The following ABCA10 variants were observed in gnomAD, a reference collection of about 807,000 sequenced individuals.
The protein encoded by ABCA10 is ATP-binding cassette sub-family A member 10.
Under a neutral mutation model 187.5 loss-of-function variants are expected in ABCA10, and 169 were observed. That is an observed-to-expected ratio of 0.90 (90% CI 0.80 to 1.02). The LOEUF is 1.02. ABCA10 is among the 50% of genes least tolerant of loss of function. ABCA10 has a pLI of 0.00. For synonymous variants in ABCA10, 574 were observed against 601.8 expected, an observed-to-expected ratio of 0.95 and a Z score of 0.68; for missense variants, 1,727 against 1,812.4, an observed-to-expected ratio of 0.95 and a Z score of 0.86.
At chr17:69,206,132 T>C (rs1173522060) in intron 9 of ABCA10, among the ~76,000 whole-genome samples, 1 of 150,784 alleles carries the variant, frequency 6.6e-6, no homozygotes, top group Non-Finnish European at 1.5e-5. Context: ...TATTAAAGCT[T>C]AAAAACCCAT....
rs368606702 is a variant in ABCA10 at position 69,155,793 on chromosome 17, C to G, written c.3576+12G>C. 1 of 1,612,782 alleles carries G rather than the reference C, an allele frequency of 6.2e-7. No individual in the cohort carries two copies. Among genetic ancestry groups the G allele is most frequent in the South Asian group, 1.1e-5 (1 of 90,854 alleles). ...TGAGCATTTTATTAAGGGTCTAATC[C>G]CTGCTGTTCACCTCCTCCAAGTTTG... On this transcript the variant is annotated intron_variant, in intron 29 of 38. Transcript: ENST00000690296.
intron 22 of ABCA10, among the ~76,000 whole-genome samples, chr17:69,177,488 G>A (rs1011703278): frequency 2.6e-5 from 4 of 152,122 alleles, no homozygotes; most frequent in African/African-American, 9.7e-5. Flanking sequence ...GCTAACCAGT[G>A]AAAGTCATTA....
intron 10 of ABCA10, among the ~76,000 whole-genome samples, chr17:69,200,400 A>G (rs564352939): frequency 3.0e-4 from 45 of 152,346 alleles, no homozygotes; most frequent in African/African-American, 9.9e-4. Context: ...CATAATCACT[A>G]TGATCTACTG....
Position 69,164,173 on chromosome 17 carries a change from A to G in ABCA10, c.3283-19T>C. The G allele has an allele frequency of 6.4e-7, 1 of 1,562,140 alleles. No individual in the cohort carries two copies. Among genetic ancestry groups the G allele is most frequent in the African/African-American group, 1.4e-5 (1 of 71,602 alleles). ...AGTCGAGCTGAAAAAAAACCCACCA[A>G]CAGTTAAATGCAAGTTTCTCTATAA... is the stretch of plus-strand genomic sequence containing the variant. On this transcript the variant is annotated intron_variant, in intron 26 of 38. Coordinates refer to ENST00000690296, the MANE Select transcript of ABCA10 (RefSeq NM_001377321.1).
At chr17:69,217,869 T>G (rs2074718070) in intron 6 of ABCA10, among the ~76,000 whole-genome samples, 1 of 152,184 alleles carries the variant, frequency 6.6e-6, no homozygotes, top group African/African-American at 2.4e-5. Flanking sequence ...AAATCTATTT[T>G]CCTTGTCTTT....
At chr17:69,200,156 A>T (rs2074533355) in intron 10 of ABCA10, among the ~76,000 whole-genome samples, 1 of 152,190 alleles carries the variant, frequency 6.6e-6, no homozygotes, top group Admixed American at 6.5e-5. Context: ...GGTCTAACTG[A>T]TTTAGTATAT....
At chr17:69,175,919 G>A (rs1265359097) in intron 22 of ABCA10, 2 of 152,876 alleles carry the variant, frequency 1.3e-5, no homozygotes, top group Admixed American at 1.3e-4. Context: ...TTCACTTCCT[G>A]GGTGGGAAGC....
rs2074473380 is a variant in ABCA10 at position 69,193,141 on chromosome 17, G to C, written c.1749C>G (p.Thr583=). ...AGATGTCAGCCTCATCCATGAATTG[G>C]GTACTGAAGAGGATAAGTCGGTCTA... ...HKVDRLILFS[T]QFMDEADILA... The change falls in exon 15 of 39, where the codon ACC becomes ACG. Residue 583 remains threonine, a synonymous_variant. Coordinates refer to ENST00000690296, the MANE Select transcript of ABCA10 (RefSeq NM_001377321.1). 6.2e-7 allele frequency: 1 copy of C among 1,611,574 alleles called. No individual in the cohort carries two copies. The highest frequency in any genetic ancestry group is 8.5e-7 in the Non-Finnish European group (1 of 1,178,998).
In ABCA10 at chr17:69,165,253, A is replaced by C. The variant is rs115966614; in HGVS notation, c.3163-170T>G. ...TTAGGAAGTCTCAAACTTTCACTGC[A>C]ACTAAAACATAGGATTACAATAAGG... On this transcript the variant is annotated intron_variant, in intron 25 of 38. Transcript: ENST00000690296. 9.0e-3 allele frequency among the ~76,000 whole-genome samples: 1,378 copies of C among 152,288 alleles called. 15 individuals are homozygous for C. The highest frequency in any genetic ancestry group is 0.03 in the African/African-American group (1,265 of 41,568).
chr17:69,158,643 C>T (rs573188388), intron 27 of ABCA10, among the ~76,000 whole-genome samples: 12 of 152,006 alleles, frequency 7.9e-5, no homozygotes, highest in Non-Finnish European at 1.5e-4. Flanking sequence ...TAAACATTAA[C>T]AATAATGTCC....
At chr17:69,211,327 A>ATCATATATATACATCATATATAT (rs1568070263) in intron 9 of ABCA10, among the ~76,000 whole-genome samples, 1 of 33,068 alleles carries the variant, frequency 3.0e-5, no homozygotes, top group African/African-American at 1.3e-4. Flanking sequence ...ATATATATAT[A>ATCATATATATACATCATATATAT]TATATATATA....
chr17:69,210,849 T>TATATGCCAC (rs1253237895), intron 9 of ABCA10, among the ~76,000 whole-genome samples: 1 of 27,180 alleles, frequency 3.7e-5, no homozygotes, highest in Non-Finnish European at 1.4e-4. Flanking sequence ...TTATGCCACA[T>TATATGCCAC]ATATATATAT....
intron 22 of ABCA10, 105 bp downstream of exon 22, chr17:69,182,048 T>G: frequency 1.7e-6 from 2 of 1,199,818 alleles, no homozygotes; most frequent in Non-Finnish European, 2.2e-6. Context: ...AAACTTGCTG[T>G]TAAGTGGCAG....
chr17:69,192,481 C>T, intron 16 of ABCA10, 82 bp downstream of exon 16: 2 of 1,243,338 alleles, frequency 1.6e-6, no homozygotes, highest in Non-Finnish European at 1.1e-6. Context: ...AGTTGCCTTT[C>T]TTATATTTCT....
chr17:69,222,330 T>C (rs1323168873), intron 4 of ABCA10, among the ~76,000 whole-genome samples: 6 of 100,260 alleles, frequency 6.0e-5, no homozygotes, highest in Non-Finnish European at 1.1e-4. Flanking sequence ...AGAGGGAGAC[T>C]CCATCTCAAA....
chr17:69,204,622 C>T (rs1373736082), intron 9 of ABCA10, among the ~76,000 whole-genome samples: 1 of 152,226 alleles, frequency 6.6e-6, no homozygotes. Context: ...CCAATGCTAA[C>T]TGCAAAAGCC....
chr17:69,193,603 TTC>T lies in ABCA10; in HGVS notation c.1529_1530del (p.Arg510AsnfsTer16), dbSNP rs762985601. 4.9e-5 allele frequency: 79 copies of T among 1,605,102 alleles called. No individual in the cohort carries two copies. The highest frequency in any genetic ancestry group is 2.1e-4 in the South Asian group (19 of 89,336). On this transcript the variant is annotated frameshift_variant, in exon 14 of 39. Coordinates refer to ENST00000690296, the MANE Select transcript of ABCA10 (RefSeq NM_001377321.1). LOFTEE classifies it high-confidence loss of function. ...QPKEVEQEVKRIIMELDMQSI... is the reference protein window; with the variant it reads ...QPKEVEQEVKXIIMELDMQSI... ...CTTTGCATGTCTAATTCCATTATAA[TTC>T]TTTTTACCTATCAAAGAAAACTCTG...
intron 10 of ABCA10, among the ~76,000 whole-genome samples, chr17:69,198,440 G>T (rs575488753): frequency 1.3e-5 from 2 of 152,254 alleles, no homozygotes; most frequent in East Asian, 3.9e-4. Context: ...CATTATTCTC[G>T]GGTCACGTGA....
intron 37 of ABCA10, among the ~76,000 whole-genome samples, chr17:69,149,577 T>C (rs1210713821): frequency 1.3e-5 from 2 of 152,176 alleles, no homozygotes; most frequent in Non-Finnish European, 2.9e-5. Context: ...CCTCCAACTG[T>C]TGCCTCTGTA....
Sources: allele counts gnomAD v4.1 joint callset (sites outside exome capture counted in the v4.1 genomes callset), GRCh38; gene constraint gnomAD v4.1.1; transcripts MANE v1.5; gene names NCBI Gene and HGNC (gene_info 2026-07-23, HGNC 2026-07-21).